DHCR24: variants seen among roughly 807,000 people sequenced by gnomAD.
The protein encoded by DHCR24 is 24-dehydrocholesterol reductase, also known as delta(24)-sterol reductase.
DHCR24 carries 28 observed loss-of-function variants against 61.2 expected under a neutral mutation model. That is an observed-to-expected ratio of 0.46 (90% CI 0.34 to 0.63). The LOEUF is 0.63. Ranked by LOEUF, DHCR24 falls within the 20% of genes least tolerant of loss-of-function variation. The pLI is 0.01. For synonymous variants in DHCR24, 261 were observed against 275.9 expected (o/e 0.95, Z 0.54); for missense variants, 538 against 679.1 (o/e 0.79, Z 2.31).
At chr1:54,869,473 G>T (rs974697363) in intron 5 of DHCR24, among the ~76,000 whole-genome samples, 21 of 152,160 alleles carry the variant, frequency 1.4e-4, no homozygotes, top group African/African-American at 4.6e-4. Context: ...AATCTTATTT[G>T]TAAGAGCAAA....
chr1:54,882,011 ATAAC>A (rs1647066018), intron 2 of DHCR24, among the ~76,000 whole-genome samples: 1 of 152,180 alleles, frequency 6.6e-6, no homozygotes, highest in Admixed American at 6.5e-5. Flanking sequence ...ATCAGGAAAA[ATAAC>A]TAATAGGTAC....
chr1:54,880,157 G>C (rs1647056819), intron 2 of DHCR24, among the ~76,000 whole-genome samples: 1 of 152,102 alleles, frequency 6.6e-6, no homozygotes, highest in Non-Finnish European at 1.5e-5. Flanking sequence ...TATCAAGAAC[G>C]AAAGACCTGA....
chr1:54,864,330 C>T lies in DHCR24; in HGVS notation c.1020+973G>A, dbSNP rs1021594866. On this transcript the variant is annotated intron_variant, in intron 6 of 8. Transcript: ENST00000371269. ...GTCCATCAACAGATGAGTGACAAAA[C>T]AAAATGTGGTCTCTCATATAATGAA... 2.0e-5 allele frequency among the ~76,000 whole-genome samples: 3 copies of T among 152,122 alleles called. 1 individual carries two copies. The highest frequency in any genetic ancestry group is 6.8e-3 in the Middle Eastern group (2 of 294).
chr1:54,882,946 G>A (rs1409474970), intron 2 of DHCR24, among the ~76,000 whole-genome samples: 1 of 151,848 alleles, frequency 6.6e-6, no homozygotes, highest in Admixed American at 6.6e-5. Flanking sequence ...TGTGGTAAGA[G>A]TTTTACCACA....
chr1:54,887,048 C>T lies in DHCR24; in HGVS notation c.72G>A (p.Glu24=), dbSNP rs373060135. The stretch of plus-strand genomic sequence containing the variant: ...CCCAGCGCTGGTGGATGAGCACGAA[C>T]TCCAGCCCCTTCAGGCGCACCCACA... ...FLLWVRLKGL[E]FVLIHQRWVF... is the part of the protein sequence containing the mutation. The change falls in exon 1 of 9, where the codon GAG becomes GAA. Residue 24 remains glutamate (E), a synonymous_variant. Coordinates refer to ENST00000371269, the MANE Select transcript of DHCR24 (RefSeq NM_014762.4). The T allele has an allele frequency of 6.2e-7, 1 of 1,612,576 alleles. No homozygotes were observed. The highest frequency in any genetic ancestry group is 8.5e-7 in the Non-Finnish European group (1 of 1,179,400).
At chr1:54,864,302 C>A (rs1282845870) in intron 6 of DHCR24, among the ~76,000 whole-genome samples, 4 of 152,208 alleles carry the variant, frequency 2.6e-5, no homozygotes, top group African/African-American at 9.7e-5. Context: ...AAACAACCCA[C>A]ATGTCCATCA....
intron 1 of DHCR24, among the ~76,000 whole-genome samples, chr1:54,886,060 C>T (rs1055879802): frequency 6.6e-6 from 1 of 152,190 alleles, no homozygotes; most frequent in African/African-American, 2.4e-5. Context: ...GAGGCTGCTA[C>T]ACCTACGGAA....
intron 6 of DHCR24, 112 bp from the exon 7 acceptor site, chr1:54,854,346 G>A: frequency 1.1e-6 from 1 of 869,898 alleles, no homozygotes; most frequent in Non-Finnish European, 1.8e-6. Context: ...AAGCACGCCT[G>A]AGTCCAATTC....
chr1:54,865,211 T>C, intron 6 of DHCR24, 92 bp downstream of exon 6: 2 of 1,493,090 alleles, frequency 1.3e-6, no homozygotes, highest in Non-Finnish European at 1.8e-6. Context: ...CTCTTTACCC[T>C]GAAGGGAGAG....
At chr1:54,871,765 G>A (rs1186690393) in intron 4 of DHCR24, 152 bp from the exon 5 acceptor site, 16 of 1,151,602 alleles carry the variant, frequency 1.4e-5, no homozygotes, top group Non-Finnish European at 1.9e-5. Context: ...TGCTTGCTGG[G>A]CTTTAGTTTC....
chr1:54,856,113 G>A (rs1646906257), intron 6 of DHCR24, among the ~76,000 whole-genome samples: 1 of 152,184 alleles, frequency 6.6e-6, no homozygotes, highest in Non-Finnish European at 1.5e-5. Context: ...CAATACAGAG[G>A]GCACTACTGC....
chr1:54,884,007 G>C (rs1386986312), intron 1 of DHCR24, among the ~76,000 whole-genome samples: 1 of 152,244 alleles, frequency 6.6e-6, no homozygotes, highest in Non-Finnish European at 1.5e-5. Context: ...AGCTAGAAGA[G>C]AGGATCGAAG....
At position 54,852,266 on chromosome 1, in the gene DHCR24, C is replaced by T; in HGVS notation, c.1518G>A (p.Val506=). 6.2e-7 allele frequency: 1 copy of T among 1,614,240 alleles called. No homozygotes were observed. Among genetic ancestry groups the T allele is most frequent in the Non-Finnish European group, 8.5e-7 (1 of 1,180,052 alleles). Residue 506 remains valine (V), a synonymous_variant, in exon 9 of 9, where the codon GTG becomes GTA. Coordinates refer to ENST00000371269, the MANE Select transcript of DHCR24 (RefSeq NM_014762.4). The stretch of plus-strand genomic sequence containing the variant: ...TGGCGGCCTTGCAGATCTTGTCGTA[C>T]ACCTCGGGGAAGGCGTCCTGGCAAC... The part of the protein sequence containing the change: ...KLGCQDAFPE[V]YDKICKAARH
intron 6 of DHCR24, among the ~76,000 whole-genome samples, chr1:54,854,934 T>G (rs1315547340): frequency 2.0e-5 from 3 of 152,094 alleles, no homozygotes; most frequent in Non-Finnish European, 4.4e-5. Context: ...GATGGCCCCC[T>G]CTTCCCTCCA....
At chr1:54,855,964 G>C (rs1337221734) in intron 6 of DHCR24, among the ~76,000 whole-genome samples, 1 of 147,204 alleles carries the variant, frequency 6.8e-6, no homozygotes, top group Non-Finnish European at 1.5e-5. Context: ...CTAATGGCAA[G>C]CATTGGTAAG....
intron 6 of DHCR24, among the ~76,000 whole-genome samples, chr1:54,860,932 G>T (rs1463839193): frequency 6.6e-6 from 1 of 151,054 alleles, no homozygotes; most frequent in Admixed American, 6.6e-5. Context: ...CACTTGCAGT[G>T]AGCCGAGATC....
chr1:54,854,187 G>A lies in DHCR24; in HGVS notation c.1068C>T (p.Gly356=). ...GNNPIFRYLF[G]WMVPPKISLL... is the part of the protein sequence containing the mutation. ...GGGAGATCTTGGGAGGCACCATCCA[G>A]CCAAAGAGGTAGCGGAAGATGGGGT... The change falls in exon 7 of 9, where the codon GGC becomes GGT. Residue 356 remains glycine (G), a synonymous_variant. Transcript: ENST00000371269. 6.2e-7 allele frequency: 1 copy of A among 1,614,132 alleles called. No homozygotes were observed. Among genetic ancestry groups the A allele is most frequent in the South Asian group, 1.1e-5 (1 of 91,078 alleles).
intron 8 of DHCR24, 67 bp downstream of exon 8, chr1:54,853,367 C>T: frequency 6.2e-7 from 1 of 1,600,258 alleles, no homozygotes; most frequent in African/African-American, 1.3e-5. Context: ...GAGCTGGCCT[C>T]ATTCCCCTGG....
At chr1:54,854,492 G>C (rs1646896166) in intron 6 of DHCR24, among the ~76,000 whole-genome samples, 1 of 152,178 alleles carries the variant, frequency 6.6e-6, no homozygotes, top group Admixed American at 6.5e-5. Flanking sequence ...TTCCTTATCT[G>C]TAAAATGGGC....
Sources: gnomAD v4.1 joint callset for allele counts (sites outside exome capture counted in the v4.1 genomes callset) on GRCh38, gnomAD v4.1.1 for gene constraint, MANE v1.5 for transcripts, NCBI Gene and HGNC (gene_info 2026-07-23, HGNC 2026-07-21) for gene names.